The following LDHC variants were observed in gnomAD, a reference collection of about 807,000 sequenced individuals.
LDHC encodes L-lactate dehydrogenase C chain.
A neutral mutation model predicts 30.2 loss-of-function variants in LDHC; 20 were observed. The ratio of observed to expected loss-of-function variants is 0.66; its 90% CI spans 0.47 to 0.96. The LOEUF (loss-of-function observed/expected upper bound fraction) is 0.96. Among genes scored for constraint, LDHC ranks in the 40% least tolerant of loss-of-function variants. The probability of loss-of-function intolerance (pLI) is 0.00; values close to 1 mark genes in which losing one functional copy is unlikely to be tolerated. For synonymous variants in LDHC, 139 were observed against 132.7 expected, an observed-to-expected ratio of 1.05 and a Z score of -0.32; for missense variants, 362 against 394.9, an observed-to-expected ratio of 0.92 and a Z score of 0.71.
At chr11:18,421,886 G>T (rs1848062106) in intron 3 of LDHC, among the ~76,000 whole-genome samples, 1 of 151,982 alleles carries the variant, frequency 6.6e-6, no homozygotes, top group Admixed American at 6.6e-5. Context: ...CACTTTGGGA[G>T]GCCAACGCGG....
Position 18,451,927 on chromosome 11 carries a change from CA to C in LDHC, c.*801del, listed in dbSNP as rs781551806. 4 of 152,186 alleles carry C rather than the reference CA, an allele frequency of 2.6e-5. No individual in the cohort carries two copies. The highest frequency in any genetic ancestry group is 5.9e-5 in the Non-Finnish European group (4 of 68,036). 9.4% of individuals were successfully genotyped at this position (152,186 alleles called of 1,614,324 possible). A position where few individuals can be genotyped will look rare whatever the true frequency, so the allele number is the denominator to read the frequency against. On this transcript the variant is annotated 3_prime_UTR_variant, in exon 8 of 8. Coordinates refer to ENST00000541669, the MANE Select transcript of LDHC (RefSeq NM_017448.5). ...CCAGCCTGGGCCACAGAGGAAGACT[CA>C]GACTCAAAAGAAGAAGAAGAACACA...
At chr11:18,416,558 A>G (rs1867026150) in intron 3 of LDHC, among the ~76,000 whole-genome samples, 1 of 152,228 alleles carries the variant, frequency 6.6e-6, no homozygotes, top group African/African-American at 2.4e-5. Flanking sequence ...AACATTTTAT[A>G]TCGACCTAAA....
Position 18,423,327 on chromosome 11 carries a change from G to A in LDHC, c.245-6410G>A, listed in dbSNP as rs571198884. On this transcript the variant is annotated intron_variant, in intron 3 of 7. Coordinates refer to ENST00000541669, the MANE Select transcript of LDHC (RefSeq NM_017448.5). ...TATATGCAATCCTAGTCAAAACCCC[G>A]CAGGTTTTGTTATTATTGGACATTC... is the stretch of plus-strand genomic sequence containing the variant. Among the ~76,000 whole-genome samples the A allele has an allele frequency of 4.6e-5, 7 of 152,134 alleles. No homozygotes were observed. In the East Asian group the frequency reaches 5.8e-4, roughly 13 times the overall value.
chr11:18,417,043 C>T (rs1462430434), intron 3 of LDHC, among the ~76,000 whole-genome samples: 1 of 152,002 alleles, frequency 6.6e-6, no homozygotes, highest in South Asian at 2.1e-4. Context: ...GCCACCATGC[C>T]TGGCTAATTT....
intron 3 of LDHC, among the ~76,000 whole-genome samples, chr11:18,418,498 C>T (rs1236110762): frequency 6.6e-6 from 1 of 151,680 alleles, no homozygotes; most frequent in East Asian, 1.9e-4. Flanking sequence ...GGTGTGATCT[C>T]TGCTCACTGC....
intron 4 of LDHC, among the ~76,000 whole-genome samples, chr11:18,434,516 G>T (rs188512083): frequency 1.3e-5 from 2 of 152,094 alleles, no homozygotes; most frequent in African/African-American, 4.8e-5. Context: ...TCACCATATT[G>T]GCCAGGCTGG....
chr11:18,446,180 A>G, intron 6 of LDHC, 30 bp from the exon 7 acceptor site: 4 of 1,572,986 alleles, frequency 2.5e-6, no homozygotes, highest in Non-Finnish European at 3.5e-6. Context: ...CTTATTATGA[A>G]TTTGATTTTC....
intron 6 of LDHC, among the ~76,000 whole-genome samples, chr11:18,442,131 A>G (rs546313885): frequency 4.5e-4 from 69 of 152,254 alleles, no homozygotes; most frequent in Middle Eastern, 3.4e-3. Context: ...TTCCTGTCAC[A>G]TAGCCCTCAG....
In LDHC at chr11:18,451,202, T is replaced by G. The variant is rs1197836993; in HGVS notation, c.*75T>G. 5.9e-6 allele frequency: 6 copies of G among 1,011,680 alleles called. No homozygotes were observed. The Admixed American group carries it at 1.4e-4, about 23-fold the overall frequency. The allele number at this position is 1,011,680 out of a possible 1,614,324, so 62.7% of individuals were successfully genotyped here. ...TGTGTATTTTAAATTTTGAAAGTAT[T>G]TTCATTTGATCTTTAAAAAATAAAA... is the stretch of plus-strand genomic sequence containing the variant. On this transcript the variant is annotated 3_prime_UTR_variant, in exon 8 of 8. Transcript: ENST00000541669.
At chr11:18,438,837 A>AT (rs1232759972) in intron 6 of LDHC, among the ~76,000 whole-genome samples, 192 bp downstream of exon 6, 2 of 152,184 alleles carry the variant, frequency 1.3e-5, no homozygotes, top group African/African-American at 4.8e-5. Flanking sequence ...AGTACTTATT[A>AT]TTTCACAACT....
At chr11:18,418,716 C>T (rs540611605) in intron 3 of LDHC, among the ~76,000 whole-genome samples, 6 of 152,094 alleles carry the variant, frequency 3.9e-5, no homozygotes, top group East Asian at 1.9e-4. Context: ...TGTGAGCCAC[C>T]GCACCTGGCC....
intron 3 of LDHC, among the ~76,000 whole-genome samples, chr11:18,420,641 TAAA>T (rs11321502): frequency 9.7e-5 from 7 of 72,344 alleles, no homozygotes; most frequent in South Asian, 5.5e-4. Context: ...TCTTGTCTCT[TAAA>T]AAAAAAAAAA....
chr11:18,418,056 G>C (rs1867054969), intron 3 of LDHC, among the ~76,000 whole-genome samples: 1 of 151,710 alleles, frequency 6.6e-6, no homozygotes, highest in African/African-American at 2.4e-5. Context: ...ACAAACATCA[G>C]TGCATCTACC....
intron 5 of LDHC, 144 bp from the exon 6 acceptor site, chr11:18,438,384 C>A: frequency 5.1e-6 from 3 of 593,994 alleles, no homozygotes; most frequent in Admixed American, 2.7e-5. Flanking sequence ...CCAACACTAG[C>A]GGTTACATTT....
At chr11:18,417,920 T>C (rs1038263529) in intron 3 of LDHC, among the ~76,000 whole-genome samples, 3 of 152,090 alleles carry the variant, frequency 2.0e-5, no homozygotes, top group Non-Finnish European at 4.4e-5. Flanking sequence ...CCTGTAGCCC[T>C]AGCTTTGCGA....
chr11:18,440,767 AAAAATTTT>A (rs1430077823), intron 6 of LDHC, among the ~76,000 whole-genome samples: 2 of 125,482 alleles, frequency 1.6e-5, no homozygotes, highest in African/African-American at 3.0e-5. Context: ...TGTCTCCACA[AAAAATTTT>A]AAAAAATTAG....
chr11:18,436,786 G>A (rs1015420468), intron 5 of LDHC, among the ~76,000 whole-genome samples: 11 of 151,668 alleles, frequency 7.3e-5, no homozygotes, highest in South Asian at 6.3e-4. Context: ...GCACCCGGCC[G>A]GGATAATACA....
chr11:18,449,422 G>T (rs1848615346), intron 7 of LDHC, among the ~76,000 whole-genome samples: 1 of 84,958 alleles, frequency 1.2e-5, no homozygotes, highest in Non-Finnish European at 2.0e-5. Flanking sequence ...GCGAGACACT[G>T]TCTCCTAAAA....
At chr11:18,421,170 C>T (rs1393319032) in intron 3 of LDHC, among the ~76,000 whole-genome samples, 1 of 152,114 alleles carries the variant, frequency 6.6e-6, no homozygotes, top group Non-Finnish European at 1.5e-5. Context: ...TCTCCTGCCT[C>T]AGCCTCTCGA....
Sources: allele counts gnomAD v4.1 joint callset (sites outside exome capture counted in the v4.1 genomes callset), GRCh38; gene constraint gnomAD v4.1.1; transcripts MANE v1.5; gene names NCBI Gene and HGNC (gene_info 2026-07-23, HGNC 2026-07-21).